SRL: variants seen among roughly 807,000 people sequenced by gnomAD.
SRL encodes sarcalumenin.
SRL carries 23 observed loss-of-function variants against 39.5 expected under a neutral mutation model. That is an observed-to-expected ratio of 0.58 (90% CI 0.42 to 0.82). SRL has a LOEUF of 0.82. SRL is among the 40% of genes least tolerant of loss of function. The pLI is 0.00. For synonymous variants in SRL, 272 were observed against 237.4 expected, an observed-to-expected ratio of 1.15 and a Z score of -1.34; for missense variants, 592 against 607.8, an observed-to-expected ratio of 0.97 and a Z score of 0.27.
At chr16:4,208,115 A>G (rs1446597571) in intron 1 of SRL, 1 of 435,922 alleles carries the variant, frequency 2.3e-6, no homozygotes, top group Admixed American at 2.6e-5. Flanking sequence ...CTAAATGATT[A>G]GAACATGATT....
At chr16:4,206,389 C>T (rs2052318814) in intron 1 of SRL, among the ~76,000 whole-genome samples, 1 of 152,168 alleles carries the variant, frequency 6.6e-6, no homozygotes, top group South Asian at 2.1e-4. Context: ...GCACGTCCCT[C>T]CACCCGCTGG....
At chr16:4,224,921 T>G (rs1193100646) in intron 1 of SRL, among the ~76,000 whole-genome samples, 1 of 151,804 alleles carries the variant, frequency 6.6e-6, no homozygotes, top group Non-Finnish European at 1.5e-5. Context: ...TGGAAAGGGG[T>G]GGAGCGCTTC....
At chr16:4,202,418 C>A (rs1440138359) in intron 3 of SRL, among the ~76,000 whole-genome samples, 1 of 151,976 alleles carries the variant, frequency 6.6e-6, no homozygotes, top group Non-Finnish European at 1.5e-5. Context: ...ATGGTGAAAC[C>A]CCATCTCTAC....
At chr16:4,208,936 C>T (rs2052359750) in intron 1 of SRL, among the ~76,000 whole-genome samples, 1 of 152,148 alleles carries the variant, frequency 6.6e-6, no homozygotes, top group Non-Finnish European at 1.5e-5. Context: ...TCATCTGTGC[C>T]AGAGACCTCT....
intron 1 of SRL, among the ~76,000 whole-genome samples, chr16:4,230,404 A>G (rs1327829465): frequency 1.4e-5 from 2 of 147,376 alleles, no homozygotes; most frequent in East Asian, 3.9e-4. Context: ...TTTTTGAGAC[A>G]GAGTCTTGCC....
intron 1 of SRL, 149 bp from the exon 2 acceptor site, chr16:4,204,783 G>T (rs939004381): frequency 3.1e-6 from 2 of 655,566 alleles, no homozygotes; most frequent in African/African-American, 3.6e-5. Flanking sequence ...CCTTTAGGAA[G>T]GAATTTGATC....
intron 1 of SRL, among the ~76,000 whole-genome samples, chr16:4,241,461 A>G (rs1242075684): frequency 6.6e-6 from 1 of 152,168 alleles, no homozygotes; most frequent in Non-Finnish European, 1.5e-5. Flanking sequence ...TGCTGTTTCC[A>G]GCCCAACCGC....
intron 2 of SRL, among the ~76,000 whole-genome samples, chr16:4,203,590 T>C (rs1196550336): frequency 6.6e-6 from 1 of 152,134 alleles, no homozygotes; most frequent in African/African-American, 2.4e-5. Flanking sequence ...GGTGCAATCA[T>C]AGCTCACTGC....
At chr16:4,234,631 G>C (rs760386860) in intron 1 of SRL, among the ~76,000 whole-genome samples, 1 of 152,190 alleles carries the variant, frequency 6.6e-6, no homozygotes, top group Non-Finnish European at 1.5e-5. Context: ...AGTTAAATCC[G>C]TCCCATTTGC....
chr16:4,223,445 A>G (rs140795136), intron 1 of SRL, among the ~76,000 whole-genome samples: 374 of 151,934 alleles, frequency 2.5e-3, no homozygotes, highest in African/African-American at 7.3e-3. Context: ...TGGTGCAATC[A>G]TGGCTCACTG....
intron 1 of SRL, among the ~76,000 whole-genome samples, chr16:4,220,446 G>GAA (rs1359095957): frequency 2.0e-5 from 3 of 147,864 alleles, no homozygotes; most frequent in African/African-American, 7.5e-5. Flanking sequence ...CACTGTCCTA[G>GAA]AAAAAAAAAA....
chr16:4,191,876 C>T lies in SRL; in HGVS notation c.*277G>A, dbSNP rs1017792674. 3.8e-5 allele frequency: 15 copies of T among 397,352 alleles called. No homozygotes were observed. Among genetic ancestry groups the T allele is most frequent in the Admixed American group, 3.7e-4 (9 of 24,634 alleles). 24.6% of individuals were successfully genotyped at this position (397,352 alleles called of 1,614,324 possible). ...CACTAGAATTTAGCTGCTCTCTGTC[C>T]TTCCAAGACAGGACCCAGGAAAAGC... On this transcript the variant is annotated 3_prime_UTR_variant, in exon 6 of 6. Coordinates refer to ENST00000399609, the MANE Select transcript of SRL (RefSeq NM_001098814.2).
At chr16:4,221,905 G>C (rs1163878187) in intron 1 of SRL, among the ~76,000 whole-genome samples, 3 of 152,194 alleles carry the variant, frequency 2.0e-5, no homozygotes, top group Admixed American at 1.3e-4. Flanking sequence ...CTGTGTGTCT[G>C]TGTCTTTTCT....
intron 1 of SRL, among the ~76,000 whole-genome samples, chr16:4,208,394 G>A (rs889806): frequency 3.5e-4 from 53 of 151,962 alleles, no homozygotes; most frequent in African/African-American, 1.3e-3. Flanking sequence ...AACCGCCCCC[G>A]CACCGCGACC....
At chr16:4,222,528 C>T (rs2052541851) in intron 1 of SRL, among the ~76,000 whole-genome samples, 1 of 152,146 alleles carries the variant, frequency 6.6e-6, no homozygotes, top group Non-Finnish European at 1.5e-5. Context: ...CCCGCCTCGG[C>T]CTCCCAAAGT....
chr16:4,198,650 G>A (rs536661760), intron 3 of SRL, among the ~76,000 whole-genome samples: 3 of 152,142 alleles, frequency 2.0e-5, no homozygotes, highest in South Asian at 2.1e-4. Context: ...GTCTTGCAAC[G>A]TTGCTCAGGC....
chr16:4,204,146 A>G (rs1004507331), intron 2 of SRL, among the ~76,000 whole-genome samples: 47 of 152,248 alleles, frequency 3.1e-4, no homozygotes, highest in African/African-American at 1.1e-3. Flanking sequence ...CCCTGCTGCA[A>G]TCCTTGGGTT....
At chr16:4,223,503 G>A (rs551216854) in intron 1 of SRL, among the ~76,000 whole-genome samples, 7 of 151,522 alleles carry the variant, frequency 4.6e-5, no homozygotes, top group East Asian at 3.9e-4. Flanking sequence ...TCAGCCTCCC[G>A]AGTAGTGGGA....
At chr16:4,207,067 G>T (rs761651443) in intron 1 of SRL, 14 of 453,368 alleles carry the variant, frequency 3.1e-5, no homozygotes, top group South Asian at 2.2e-4. Context: ...CCGCCTTCCT[G>T]GGGCTCCCTG....
Sources: gnomAD v4.1 joint callset for allele counts (sites outside exome capture counted in the v4.1 genomes callset) on GRCh38, gnomAD v4.1.1 for gene constraint, MANE v1.5 for transcripts, NCBI Gene and HGNC (gene_info 2026-07-23, HGNC 2026-07-21) for gene names.